Variants in CDC42 observed in about 807,000 individuals in gnomAD.
CDC42 encodes cell division cycle 42.
A neutral mutation model predicts 20.8 loss-of-function variants in CDC42; 1 was observed. The observed-to-expected ratio is 0.05, with a 90% CI of 0.02 to 0.23. The LOEUF is 0.23. CDC42 is among the 10% of genes least tolerant of loss of function. The probability of loss-of-function intolerance (pLI) is 1.00; values close to 1 mark genes in which losing one functional copy is unlikely to be tolerated. For missense variants in CDC42, 49 were observed against 227.9 expected, an observed-to-expected ratio of 0.21 and a Z score of 5.05; for synonymous variants, 72 against 84.8, an observed-to-expected ratio of 0.85 and a Z score of 0.83.
At chr1:22,091,056 T>A (rs1049819875) in intron 5 of CDC42, among the ~76,000 whole-genome samples, 9 of 152,226 alleles carry the variant, frequency 5.9e-5, no homozygotes, top group African/African-American at 1.9e-4. Flanking sequence ...TCCAGCTGTT[T>A]CATTTGAATG....
rs1383655188 is a variant in CDC42, at chr1:22,096,900, A to G, written c.*5383A>G. On this transcript the variant is annotated 3_prime_UTR_variant, in exon 6 of 6. Coordinates refer to ENST00000656825, the MANE Select transcript of CDC42 (RefSeq NM_001791.4). ...CAAATAGTACTGCCTTGGATGTGGTACCCTTGTGCAGTGCACAACTTGGAC... is the reference window on the plus strand; with the variant it reads ...CAAATAGTACTGCCTTGGATGTGGTGCCCTTGTGCAGTGCACAACTTGGAC... Among the ~76,000 whole-genome samples the G allele has an allele frequency of 6.6e-6, 1 of 152,240 alleles. No individual in the cohort carries two copies. The highest frequency in any genetic ancestry group is 1.5e-5 in the Non-Finnish European group (1 of 68,042).
intron 5 of CDC42, chr1:22,090,848 A>G: frequency 1.0e-6 from 1 of 972,346 alleles, no homozygotes; most frequent in Non-Finnish European, 1.2e-6. Flanking sequence ...GACTGGCTCT[A>G]ATTTTACGTA....
At chr1:22,073,448 A>G (rs1237850889) in intron 1 of CDC42, among the ~76,000 whole-genome samples, 14 of 151,644 alleles carry the variant, frequency 9.2e-5, no homozygotes, top group African/African-American at 3.1e-4. Flanking sequence ...CTGAGGTGGG[A>G]GAATCGCTTG....
chr1:22,060,198 C>T (rs561301223), intron 1 of CDC42, among the ~76,000 whole-genome samples: 1 of 152,090 alleles, frequency 6.6e-6, no homozygotes, highest in South Asian at 2.1e-4. Context: ...AAAAATTAGC[C>T]ATGGTGGCAT....
intron 1 of CDC42, among the ~76,000 whole-genome samples, chr1:22,069,066 G>A (rs1645454212): frequency 6.6e-6 from 1 of 152,000 alleles, no homozygotes; most frequent in Admixed American, 6.6e-5. Flanking sequence ...GCACGTGGTA[G>A]GTACTTAGTA....
intron 1 of CDC42, among the ~76,000 whole-genome samples, chr1:22,074,525 C>T (rs1645527211): frequency 6.6e-6 from 1 of 152,134 alleles, no homozygotes; most frequent in African/African-American, 2.4e-5. Context: ...AGTCTCTCCC[C>T]TGATTGCTCC....
Position 22,100,493 on chromosome 1 carries a change from T to C in CDC42, c.*8976T>C, listed in dbSNP as rs2124072057. ...AGGCAAGTAACTTAAATGCTCTGAG[T>C]GTTGCATTCTCTGTGAAGTGGAAAT... On this transcript the variant is annotated 3_prime_UTR_variant, in exon 6 of 6. Coordinates refer to ENST00000656825, the MANE Select transcript of CDC42 (RefSeq NM_001791.4). The C allele has an allele frequency of 6.6e-6, 1 of 152,304 alleles. No individual in the cohort carries two copies. The highest frequency in any genetic ancestry group is 1.9e-4 in the East Asian group (1 of 5,186). 9.4% of individuals were successfully genotyped at this position (152,304 alleles called of 1,614,324 possible).
chr1:22,088,387 C>T (rs749027012), intron 5 of CDC42, among the ~76,000 whole-genome samples: 2 of 152,156 alleles, frequency 1.3e-5, no homozygotes, highest in Non-Finnish European at 2.9e-5. Context: ...AAGATTTTTA[C>T]AGTATCAACA....
intron 5 of CDC42, chr1:22,090,000 A>G (rs575767560): frequency 6.2e-7 from 1 of 1,614,004 alleles, no homozygotes; most frequent in South Asian, 1.1e-5. Context: ...GCCTCCGGAA[A>G]CTCAACCCAA....
chr1:22,088,920 G>T (rs1221276831), intron 5 of CDC42, among the ~76,000 whole-genome samples: 1 of 152,078 alleles, frequency 6.6e-6, no homozygotes, highest in Non-Finnish European at 1.5e-5. Flanking sequence ...AGAATTTACT[G>T]CTGTTTCTGA....
At chr1:22,090,729 T>A (rs1645707491) in intron 5 of CDC42, 1 of 985,146 alleles carries the variant, frequency 1.0e-6, no homozygotes. Context: ...TTCCTGCTTC[T>A]GATTTTATTG....
At chr1:22,082,918 T>C (rs975664192) in intron 3 of CDC42, among the ~76,000 whole-genome samples, 2 of 150,754 alleles carry the variant, frequency 1.3e-5, no homozygotes, top group Admixed American at 1.3e-4. Flanking sequence ...TTGCTGTTGT[T>C]GCCCAGGCTG....
chr1:22,062,335 T>G (rs972330439), intron 1 of CDC42, among the ~76,000 whole-genome samples: 1 of 152,250 alleles, frequency 6.6e-6, no homozygotes, highest in African/African-American at 2.4e-5. Flanking sequence ...AAAGAAAGTC[T>G]AAATAATCAT....
rs1451319277 is a variant in CDC42, at chr1:22,096,939, T to A, written c.*5422T>A. Among the ~76,000 whole-genome samples, 1 of 152,226 alleles carries A rather than the reference T, an allele frequency of 6.6e-6. No individual in the cohort carries two copies. The highest frequency in any genetic ancestry group is 2.4e-5 in the African/African-American group (1 of 41,454). ...CACAACTTGGACAGTTCATACACAATGTTGTATTGAGATGATTGTTATTCT... is the reference window on the plus strand; with the variant it reads ...CACAACTTGGACAGTTCATACACAAAGTTGTATTGAGATGATTGTTATTCT... On this transcript the variant is annotated 3_prime_UTR_variant, in exon 6 of 6. Coordinates refer to ENST00000656825, the MANE Select transcript of CDC42 (RefSeq NM_001791.4).
At chr1:22,085,369 G>C (rs542915614) in intron 3 of CDC42, among the ~76,000 whole-genome samples, 1 of 152,040 alleles carries the variant, frequency 6.6e-6, no homozygotes, top group Non-Finnish European at 1.5e-5. Flanking sequence ...CTTGTAGTAA[G>C]TTTTGAAATC....
chr1:22,054,311 G>T (rs550664031), intron 1 of CDC42, among the ~76,000 whole-genome samples: 2 of 152,120 alleles, frequency 1.3e-5, no homozygotes, highest in African/African-American at 4.8e-5. Flanking sequence ...CGCCTCCCGG[G>T]GTCAAGTGAG....
intron 1 of CDC42, among the ~76,000 whole-genome samples, chr1:22,063,260 G>A (rs1449260232): frequency 6.6e-6 from 1 of 151,772 alleles, no homozygotes; most frequent in African/African-American, 2.4e-5. Flanking sequence ...GTGTAAAATT[G>A]TAGCAATCTG....
At chr1:22,058,034 T>C (rs1253670801) in intron 1 of CDC42, among the ~76,000 whole-genome samples, 1 of 152,170 alleles carries the variant, frequency 6.6e-6, no homozygotes, top group Non-Finnish European at 1.5e-5. Context: ...CGGCCTCCTT[T>C]ACATTTTTAT....
At chr1:22,068,114 A>G (rs1156671222) in intron 1 of CDC42, among the ~76,000 whole-genome samples, 1 of 152,176 alleles carries the variant, frequency 6.6e-6, no homozygotes, top group East Asian at 1.9e-4. Context: ...AAACCTGTAT[A>G]TTTGAAGATC....
Sources: gnomAD v4.1 joint callset for allele counts (sites outside exome capture counted in the v4.1 genomes callset) on GRCh38, gnomAD v4.1.1 for gene constraint, MANE v1.5 for transcripts, NCBI Gene and HGNC (gene_info 2026-07-23, HGNC 2026-07-21) for gene names.